Variants in VPS53 observed in about 807,000 individuals in gnomAD.
VPS53 encodes vacuolar protein sorting-associated protein 53 homolog.
Under a neutral mutation model 107.0 loss-of-function variants are expected in VPS53, and 70 were observed. That is an observed-to-expected ratio of 0.65 (90% CI 0.54 to 0.80). The LOEUF is 0.80. VPS53 is among the 30% of genes least tolerant of loss of function. The pLI is 0.00. For missense variants in VPS53, 917 were observed against 1,049.4 expected (o/e 0.87, Z 1.74); for synonymous variants, 409 against 393.3 (o/e 1.04, Z -0.47).
At position 511,469 on chromosome 17, in the gene VPS53, G is replaced by A. The variant is rs765076089; in HGVS notation, c.*7659C>T. The A allele has an allele frequency of 7.9e-5, 12 of 152,228 alleles. No homozygotes were observed. Among genetic ancestry groups the A allele is most frequent in the Non-Finnish European group, 1.6e-4 (11 of 68,052 alleles). 9.4% of individuals were successfully genotyped at this position (152,228 alleles called of 1,614,324 possible). ...AGCTCCCAGAACCCTCGGATGAAGT[G>A]AGCAGCATTCCCAGGAGGCGGGACG... On this transcript the variant is annotated 3_prime_UTR_variant, in exon 22 of 22. Transcript: ENST00000437048.
At chr17:616,134 CT>C (rs1348452858) in intron 11 of VPS53, 1 of 152,222 alleles carries the variant, frequency 6.6e-6, no homozygotes, top group Admixed American at 6.5e-5. Context: ...TTCCTAGAAA[CT>C]TATCTTTAAG....
At chr17:683,544 A>G (rs1377656819) in intron 4 of VPS53, among the ~76,000 whole-genome samples, 1 of 152,232 alleles carries the variant, frequency 6.6e-6, no homozygotes, top group Non-Finnish European at 1.5e-5. Flanking sequence ...CAGAACAAAT[A>G]TGGTACAGAA....
In VPS53 at chr17:521,710, A is replaced by G; in HGVS notation, c.2114T>C (p.Met705Thr). The change falls in exon 20 of 22, where the codon ATG becomes ACG. Residue 705 changes from methionine to threonine, a missense_variant. Coordinates refer to ENST00000437048, the MANE Select transcript of VPS53 (RefSeq NM_001128159.3). ...QLLLDTHSLK[M>T]VLLDLPSISS... ...GATGGAGGGGAGATCGAGCAGGACCATCTTCAGCGAGTGGGTGTCCAGCAG... is the reference window on the plus strand; with the variant it reads ...GATGGAGGGGAGATCGAGCAGGACCGTCTTCAGCGAGTGGGTGTCCAGCAG... 3 of 1,548,440 alleles carry G rather than the reference A, an allele frequency of 1.9e-6. No individual in the cohort carries two copies. Among genetic ancestry groups the G allele is most frequent in the Non-Finnish European group, 2.6e-6 (3 of 1,144,726 alleles).
chr17:665,305 C>T (rs564347592), intron 4 of VPS53, among the ~76,000 whole-genome samples: 2 of 152,234 alleles, frequency 1.3e-5, no homozygotes, highest in Admixed American at 6.5e-5. Context: ...CGCCGCGGGA[C>T]GACGCAGTGA....
Position 519,786 on chromosome 17 carries a change from G to A in VPS53, c.2328+40C>T. Reference sequence around the variant, plus strand: ...CCCGGTTAAGAACCGCTGAGTGTGAGGGGGATGAGCAGGTGTGGACCAAAT... The same window carrying A: ...CCCGGTTAAGAACCGCTGAGTGTGAAGGGGATGAGCAGGTGTGGACCAAAT... On this transcript the variant is annotated intron_variant, in intron 21 of 21. Coordinates refer to ENST00000437048, the MANE Select transcript of VPS53 (RefSeq NM_001128159.3). This position sits in a 1 kb window ranked among gnomAD's most constrained non-coding sequence, Gnocchi z 5.0. 1 of 1,401,048 alleles carries A rather than the reference G, an allele frequency of 7.1e-7. No homozygotes were observed. Among genetic ancestry groups the A allele is most frequent in the South Asian group, 1.2e-5 (1 of 80,762 alleles). 86.8% of individuals were successfully genotyped at this position (1,401,048 alleles called of 1,614,324 possible). A position where few individuals can be genotyped will look rare whatever the true frequency, so the allele number is the denominator to read the frequency against.
intron 4 of VPS53, among the ~76,000 whole-genome samples, chr17:669,624 T>C (rs1473799361): frequency 8.1e-6 from 1 of 123,436 alleles, no homozygotes; most frequent in Non-Finnish European, 1.8e-5. Context: ...CCAGGTGCGA[T>C]GGCTCATGCC....
At chr17:698,055 C>A (rs1357746290) in intron 3 of VPS53, among the ~76,000 whole-genome samples, 1 of 152,120 alleles carries the variant, frequency 6.6e-6, no homozygotes, top group African/African-American at 2.4e-5. Context: ...CCAAGGGATA[C>A]ACATATAAGC....
intron 11 of VPS53, chr17:616,205 C>G (rs1362485910): frequency 6.6e-6 from 1 of 152,194 alleles, no homozygotes; most frequent in Non-Finnish European, 1.5e-5. Context: ...AGAATAACTG[C>G]CAGGTCGTGA....
At chr17:577,465 T>C (rs1164899130) in intron 13 of VPS53, among the ~76,000 whole-genome samples, 1 of 151,630 alleles carries the variant, frequency 6.6e-6, no homozygotes, top group Non-Finnish European at 1.5e-5. Context: ...TCTCAGTGCA[T>C]TACCAGAAAA....
chr17:597,352 T>C (rs1968022867), intron 12 of VPS53, among the ~76,000 whole-genome samples: 1 of 152,122 alleles, frequency 6.6e-6, no homozygotes. Flanking sequence ...GGTCTGCTTT[T>C]GTTGTGCACC....
chr17:667,164 AT>A (rs143683974), intron 4 of VPS53, among the ~76,000 whole-genome samples: 1,690 of 152,240 alleles, frequency 0.011, 37 homozygotes, highest in African/African-American at 0.038. Context: ...AACCAAACTC[AT>A]TTGTTTAAGT....
chr17:601,988 G>T, intron 11 of VPS53, 92 bp from the exon 12 acceptor site: 1 of 902,410 alleles, frequency 1.1e-6, no homozygotes, highest in African/African-American at 1.7e-5. Context: ...CTCCAACAAG[G>T]AAGTCATGCA....
intron 7 of VPS53, among the ~76,000 whole-genome samples, chr17:643,052 T>G (rs367625502): frequency 4.1e-5 from 4 of 97,198 alleles, no homozygotes; most frequent in African/African-American, 9.9e-5. Flanking sequence ...TACTTGGAAA[T>G]CAAGGACAAC....
chr17:548,061 A>G (rs956609746), intron 17 of VPS53, among the ~76,000 whole-genome samples: 3 of 152,210 alleles, frequency 2.0e-5, no homozygotes, highest in Non-Finnish European at 2.9e-5. Context: ...AGAAAGAATA[A>G]AATGAGAAAA....
chr17:694,345 G>C (rs772396519), intron 4 of VPS53, among the ~76,000 whole-genome samples: 1 of 152,134 alleles, frequency 6.6e-6, no homozygotes, highest in South Asian at 2.1e-4. Context: ...GCAGACTGTC[G>C]AATTCTGGGT....
chr17:534,610 G>T (rs1909874982), intron 18 of VPS53, among the ~76,000 whole-genome samples: 1 of 152,136 alleles, frequency 6.6e-6, no homozygotes, highest in South Asian at 2.1e-4. Context: ...TGTAACCTAA[G>T]TTGCTTCACA....
intron 7 of VPS53, among the ~76,000 whole-genome samples, chr17:650,436 G>A (rs192255082): frequency 1.1e-3 from 174 of 152,238 alleles, no homozygotes; most frequent in Non-Finnish European, 4.4e-5. Context: ...GTTCCAGGTT[G>A]CAGTGAGCTA....
intron 4 of VPS53, among the ~76,000 whole-genome samples, chr17:672,756 T>C (rs892201699): frequency 1.3e-5 from 2 of 152,198 alleles, no homozygotes; most frequent in Admixed American, 6.5e-5. Context: ...AATGTATCTT[T>C]AAAGGGCTTG....
At chr17:621,917 G>A (rs563106871) in intron 11 of VPS53, among the ~76,000 whole-genome samples, 1 of 152,086 alleles carries the variant, frequency 6.6e-6, no homozygotes, top group Admixed American at 6.6e-5. Flanking sequence ...CTAATATTCT[G>A]TTATTAAAGG....
Sources: gnomAD v4.1 joint callset for allele counts (sites outside exome capture counted in the v4.1 genomes callset) on GRCh38, gnomAD v4.1.1 for gene constraint, Gnocchi (gnomAD v3.1) non-coding constraint, MANE v1.5 for transcripts, NCBI Gene and HGNC (gene_info 2026-07-23, HGNC 2026-07-21) for gene names.